The following VIT variants were observed in gnomAD, a reference collection of about 807,000 sequenced individuals.
VIT encodes the protein vitrin.
In VIT, 99 loss-of-function variants were observed where a neutral mutation model predicts 78.0. That is an observed-to-expected ratio of 1.27 (90% CI 1.08 to 1.50). The LOEUF (loss-of-function observed/expected upper bound fraction) is 1.50, where lower values mean the gene tolerates loss of function less well. VIT is among the 40% of genes most tolerant of loss of function. The probability of loss-of-function intolerance (pLI) is 0.00; values close to 1 mark genes in which losing one functional copy is unlikely to be tolerated. For missense variants in VIT, 1,126 were observed against 875.3 expected (o/e 1.29, Z -3.61); for synonymous variants, 374 against 334.3 (o/e 1.12, Z -1.29).
intron 13 of VIT, among the ~76,000 whole-genome samples, chr2:36,804,375 G>A (rs1666549651): frequency 6.6e-6 from 1 of 152,206 alleles, no homozygotes; most frequent in African/African-American, 2.4e-5. Flanking sequence ...ACACAGCTCT[G>A]TACAGCCAGC....
chr2:36,792,521 T>G (rs1665575342), intron 12 of VIT, among the ~76,000 whole-genome samples: 2 of 152,230 alleles, frequency 1.3e-5, no homozygotes, highest in South Asian at 4.2e-4. Flanking sequence ...CTGGGGTCCC[T>G]GAGATCAGTC....
At position 36,814,322 on chromosome 2, in the gene VIT, G is replaced by C; in HGVS notation, c.2043G>C (p.Gln681His). 6.2e-7 allele frequency: 1 copy of C among 1,614,224 alleles called. No individual in the cohort carries two copies. The highest frequency in any genetic ancestry group is 8.5e-7 in the Non-Finnish European group (1 of 1,180,050). ...ATCAGTATGTCCCCAGGATCATCCA[G>C]AACATTTGTACAGAGTTCAACTCAC... ...NLHQYVPRIIQNICTEFNSQP... is the reference protein window; with the variant it reads ...NLHQYVPRIIHNICTEFNSQP... Residue 681 changes from glutamine to histidine, a missense_variant, in exon 16 of 16, where the codon CAG becomes CAC. Transcript: ENST00000379242.
intron 1 of VIT, among the ~76,000 whole-genome samples, chr2:36,703,782 T>G (rs1304343322): frequency 6.6e-6 from 1 of 152,164 alleles, no homozygotes; most frequent in Non-Finnish European, 1.5e-5. Context: ...AAAGATAAAA[T>G]CATCTTGTAC....
chr2:36,764,207 G>A (rs543494947), intron 6 of VIT, among the ~76,000 whole-genome samples: 14 of 152,208 alleles, frequency 9.2e-5, no homozygotes, highest in Admixed American at 5.9e-4. Context: ...GTACATTGCA[G>A]TTTCATGAAT....
chr2:36,799,840 G>T (rs1349116719), intron 12 of VIT, among the ~76,000 whole-genome samples: 1 of 152,066 alleles, frequency 6.6e-6, no homozygotes, highest in Non-Finnish European at 1.5e-5. Context: ...CTGAGGTGAG[G>T]AGTTGGAGAC....
At chr2:36,810,757 C>T (rs1337187217) in intron 15 of VIT, among the ~76,000 whole-genome samples, 1 of 152,070 alleles carries the variant, frequency 6.6e-6, no homozygotes, top group Admixed American at 6.5e-5. Context: ...GCTCAGCCTC[C>T]CGAGTAGCTG....
intron 4 of VIT, among the ~76,000 whole-genome samples, chr2:36,754,283 C>T (rs762913199): frequency 3.4e-5 from 5 of 146,322 alleles, no homozygotes; most frequent in South Asian, 4.4e-4. Context: ...CATGCATGTT[C>T]GACTCTGGGG....
intron 15 of VIT, among the ~76,000 whole-genome samples, chr2:36,812,978 C>T (rs1290686915): frequency 6.8e-6 from 1 of 146,754 alleles, no homozygotes; most frequent in African/African-American, 2.5e-5. Context: ...TCTCCTGTCT[C>T]AGCCTCCCGA....
At chr2:36,700,727 C>G (rs186979565) in intron 1 of VIT, among the ~76,000 whole-genome samples, 4 of 145,688 alleles carry the variant, frequency 2.7e-5, no homozygotes, top group Non-Finnish European at 4.5e-5. Context: ...CACAGCAAGA[C>G]CCTATCTCAA....
chr2:36,789,354 C>T (rs1665325364), intron 12 of VIT, among the ~76,000 whole-genome samples: 1 of 152,178 alleles, frequency 6.6e-6, no homozygotes, highest in Non-Finnish European at 1.5e-5. Flanking sequence ...GTGACCAGCT[C>T]TGTATTCAGA....
intron 10 of VIT, 117 bp downstream of exon 10, chr2:36,781,888 T>C: frequency 8.1e-7 from 1 of 1,232,224 alleles, no homozygotes; most frequent in Non-Finnish European, 1.2e-6. Flanking sequence ...CTAGGATTTC[T>C]AATGGCTCCC....
chr2:36,712,073 C>A lies in VIT; in HGVS notation c.-18-4280C>A, dbSNP rs897571783. On this transcript the variant is annotated intron_variant, in intron 1 of 15. Transcript: ENST00000379242. Reference sequence around the variant, plus strand: ...TGCCCCACAGCTCTGTGACATTGGACTGCCTGCAGAAACTGCTTAATGGTG... The same window carrying A: ...TGCCCCACAGCTCTGTGACATTGGAATGCCTGCAGAAACTGCTTAATGGTG... Among the ~76,000 whole-genome samples the A allele has an allele frequency of 2.0e-5, 3 of 152,206 alleles. No homozygotes were observed. The South Asian group carries it at 6.2e-4, about 31-fold the overall frequency.
chr2:36,801,643 AC>A (rs1472501559), intron 13 of VIT, among the ~76,000 whole-genome samples: 1 of 152,136 alleles, frequency 6.6e-6, no homozygotes, highest in East Asian at 1.9e-4. Flanking sequence ...CCCTCTTTCT[AC>A]TAAAAATACA....
intron 11 of VIT, among the ~76,000 whole-genome samples, 167 bp from the exon 12 acceptor site, chr2:36,786,962 G>C (rs1340250737): frequency 6.6e-6 from 1 of 152,200 alleles, no homozygotes; most frequent in Admixed American, 6.5e-5. Context: ...CTGGTGCTCA[G>C]GGAAACCCCT....
At chr2:36,773,749 TTAAA>T (rs763366249) in intron 7 of VIT, 38 bp from the exon 8 acceptor site, 1 of 1,435,114 alleles carries the variant, frequency 7.0e-7, no homozygotes, top group Non-Finnish European at 9.2e-7. Flanking sequence ...AATTAATTAA[TTAAA>T]TAAAATTCAT....
chr2:36,722,584 T>A (rs1666580523), intron 2 of VIT, among the ~76,000 whole-genome samples: 1 of 152,226 alleles, frequency 6.6e-6, no homozygotes. Flanking sequence ...ATCTGCTTTA[T>A]AAATTGGTTT....
intron 6 of VIT, among the ~76,000 whole-genome samples, chr2:36,765,898 G>T (rs989765594): frequency 2.0e-5 from 3 of 152,264 alleles, no homozygotes; most frequent in Non-Finnish European, 4.4e-5. Context: ...GTGGTAGTTT[G>T]TTACAGCAGC....
chr2:36,708,512 T>C (rs1400466472), intron 1 of VIT, among the ~76,000 whole-genome samples: 1 of 152,080 alleles, frequency 6.6e-6, no homozygotes, highest in Non-Finnish European at 1.5e-5. Context: ...AATGCAAAAG[T>C]AATTTTTAAG....
Position 36,808,792 on chromosome 2 carries a change from G to A in VIT, c.1710G>A (p.Lys570=). The A allele has an allele frequency of 6.2e-7, 1 of 1,614,108 alleles. No homozygotes were observed. Among genetic ancestry groups the A allele is most frequent in the Admixed American group, 1.7e-5 (1 of 60,018 alleles). ...LEFGFDKYSS[K]PDILNAIKRV... ...TTGGGTTCGACAAGTACAGCAGCAA[G>A]CCTGACATCCTCAACGCCATCAAGA... is the stretch of plus-strand genomic sequence containing the variant. Residue 570 remains lysine (K), a synonymous_variant, in exon 15 of 16, where the codon AAG becomes AAA. Coordinates refer to ENST00000379242, the MANE Select transcript of VIT (RefSeq NM_053276.4).
Sources: allele counts gnomAD v4.1 joint callset (sites outside exome capture counted in the v4.1 genomes callset), GRCh38; gene constraint gnomAD v4.1.1; transcripts MANE v1.5; gene names NCBI Gene and HGNC (gene_info 2026-07-23, HGNC 2026-07-21).